The following HECW1 variants were observed in gnomAD, a reference collection of about 807,000 sequenced individuals.
HECW1 encodes HECT, C2 and WW domain containing E3 ubiquitin protein ligase 1.
In HECW1, 61 loss-of-function variants were observed where a neutral mutation model predicts 182.3. The ratio of observed to expected loss-of-function variants is 0.33; its 90% CI spans 0.27 to 0.41. The LOEUF (loss-of-function observed/expected upper bound fraction) is 0.41. HECW1 is among the 10% of genes least tolerant of loss of function. The probability of loss-of-function intolerance (pLI) is 1.00; values close to 1 mark genes in which losing one functional copy is unlikely to be tolerated. For missense variants in HECW1, 1,739 were observed against 2,108.9 expected (o/e 0.82, Z 3.44); for synonymous variants, 859 against 832.6 (o/e 1.03, Z -0.55).
At chr7:43,211,935 C>CATTTT (rs1796042310) in intron 2 of HECW1, among the ~76,000 whole-genome samples, 2 of 152,204 alleles carry the variant, frequency 1.3e-5, no homozygotes, top group South Asian at 4.1e-4. Context: ...TGACAAGTTT[C>CATTTT]ATTTTAATGA....
chr7:43,498,213 C>T (rs17802356), intron 19 of HECW1, among the ~76,000 whole-genome samples: 25,241 of 152,196 alleles, frequency 0.17, 2,424 homozygotes, highest in South Asian at 0.27. Context: ...TCGGGCTTAG[C>T]ATTCAGACAC....
intron 6 of HECW1, among the ~76,000 whole-genome samples, chr7:43,396,282 G>A (rs1213848521): frequency 2.6e-5 from 4 of 152,014 alleles, no homozygotes; most frequent in Non-Finnish European, 4.4e-5. Flanking sequence ...TGAAATTTCC[G>A]AGGAAGGCAA....
Position 43,509,135 on chromosome 7 carries a change from T to C in HECW1, c.4019+14T>C, listed in dbSNP as rs1211077898. On this transcript the variant is annotated intron_variant, in intron 24 of 29. Coordinates refer to ENST00000395891, the MANE Select transcript of HECW1 (RefSeq NM_015052.5). ...CCATCTTGAGTGGTAAGCTCTATAA[T>C]GTTCACTTTCTTGTATTTGAAAGTT... 1.2e-6 allele frequency: 2 copies of C among 1,606,468 alleles called. No individual in the cohort carries two copies. Among genetic ancestry groups the C allele is most frequent in the African/African-American group, 2.7e-5 (2 of 74,500 alleles).
intron 7 of HECW1, among the ~76,000 whole-genome samples, chr7:43,397,673 A>T (rs2075274493): frequency 6.6e-6 from 1 of 152,126 alleles, no homozygotes. Context: ...GGAGTATCAC[A>T]AAATACATTA....
At position 43,445,476 on chromosome 7, in the gene HECW1, G is replaced by T. The variant is rs780363076; in HGVS notation, c.2304G>T (p.Pro768=). 1 of 1,612,250 alleles carries T rather than the reference G, an allele frequency of 6.2e-7. No individual in the cohort carries two copies. Among genetic ancestry groups the T allele is most frequent in the East Asian group, 2.2e-5 (1 of 44,840 alleles). Residue 768 remains proline, a synonymous_variant, in exon 11 of 30, where the codon CCG becomes CCT. Coordinates refer to ENST00000395891, the MANE Select transcript of HECW1 (RefSeq NM_015052.5). The part of the protein sequence containing the change: ...LDPESTNGAG[P]WQDELAAPSG... ...CGGAGTCCACGAACGGCGCTGGGCC[G>T]TGGCAAGACGAGCTGGCCGCCCCTA...
rs1467865360 is a variant in HECW1, at chr7:43,541,234, G to A, written c.4091G>A (p.Arg1364Lys). 1.9e-6 allele frequency: 3 copies of A among 1,613,978 alleles called. No homozygotes were observed. In the African/African-American group the frequency reaches 4.0e-5, roughly 22 times the overall value. Residue 1364 changes from arginine (R) to lysine (K), a missense_variant, in exon 25 of 30, where the codon AGG (arginine) becomes AAG (lysine). Physicochemically the swap from Arg to Lys is conservative, Grantham distance 26. Around this residue, in one of 5 missense-constraint regions of HECW1, gnomAD observed 420 missense variants for 595.7 expected, o/e 0.71. Coordinates refer to ENST00000395891, the MANE Select transcript of HECW1 (RefSeq NM_015052.5). ...HQYLLDAFFT[R>K]PFYKALLRLP... is the part of the protein sequence containing the mutation. ...TACCTTCTTGACGCTTTCTTCACGA[G>A]GCCCTTCTACAAGGCACTCCTGAGA...
chr7:43,266,551 G>C (rs977969515), intron 3 of HECW1, among the ~76,000 whole-genome samples: 1 of 152,116 alleles, frequency 6.6e-6, no homozygotes, highest in Non-Finnish European at 1.5e-5. Context: ...GGCCAGGCTG[G>C]TCTTGAACTC....
At chr7:43,274,433 A>G in intron 3 of HECW1, 1 of 637,740 alleles carries the variant, frequency 1.6e-6, no homozygotes, top group South Asian at 1.6e-5. Context: ...TGCACCCACA[A>G]CACATACAGG....
chr7:43,398,126 G>A (rs572579032), intron 7 of HECW1, among the ~76,000 whole-genome samples: 7 of 152,082 alleles, frequency 4.6e-5, no homozygotes, highest in South Asian at 4.2e-4. Flanking sequence ...GCATGGTGGC[G>A]GGCTCCTGTA....
intron 2 of HECW1, among the ~76,000 whole-genome samples, chr7:43,153,719 G>T (rs778218605): frequency 6.6e-6 from 1 of 152,190 alleles, no homozygotes; most frequent in Admixed American, 6.5e-5. Context: ...AGGTCTGACC[G>T]AGGAAAATGG....
chr7:43,276,745 C>T (rs17172189), intron 3 of HECW1, among the ~76,000 whole-genome samples: 21,069 of 152,126 alleles, frequency 0.14, 3,078 homozygotes, highest in African/African-American at 0.37. Context: ...ATTTATAGTA[C>T]GTACAAAATT....
intron 13 of HECW1, among the ~76,000 whole-genome samples, chr7:43,459,201 T>G (rs141532901): frequency 6.6e-6 from 1 of 152,172 alleles, no homozygotes; most frequent in Non-Finnish European, 1.5e-5. Flanking sequence ...CCCTATAGCT[T>G]CTGGAATGTG....
Position 43,432,517 on chromosome 7 carries a change from C to G in HECW1, c.802-5486C>G, listed in dbSNP as rs1394222916. Among the ~76,000 whole-genome samples the G allele has an allele frequency of 6.6e-6, 1 of 152,180 alleles. No homozygotes were observed. The highest frequency in any genetic ancestry group is 1.5e-5 in the Non-Finnish European group (1 of 68,032). On this transcript the variant is annotated intron_variant, in intron 8 of 29. Coordinates refer to ENST00000395891, the MANE Select transcript of HECW1 (RefSeq NM_015052.5). This position sits in a 1 kb window ranked among gnomAD's most constrained non-coding sequence, Gnocchi z 4.1. Reference sequence around the variant, plus strand: ...TCTCTACCTGTCCATCAGGCTGAGCCTTTGGGAAGCCTTACTATAGCATCT... The same window carrying G: ...TCTCTACCTGTCCATCAGGCTGAGCGTTTGGGAAGCCTTACTATAGCATCT...
At position 43,445,653 on chromosome 7, in the gene HECW1, C is replaced by CG. The variant is rs2077032245; in HGVS notation, c.2398+88dup. The stretch of plus-strand genomic sequence containing the variant: ...ACCAACAGTTTAAAAACAAGAAGGG[C>CG]GGGGGATCGGTGTCAAACGGGGTTG... On this transcript the variant is annotated intron_variant, in intron 11 of 29. Transcript: ENST00000395891. 23 of 1,437,340 alleles carry CG rather than the reference C, an allele frequency of 1.6e-5. No individual in the cohort carries two copies. In the South Asian group the frequency reaches 2.3e-4, roughly 15 times the overall value. The allele number at this position is 1,437,340 out of a possible 1,614,324, so 89.0% of individuals were successfully genotyped here.
intron 4 of HECW1, among the ~76,000 whole-genome samples, chr7:43,319,373 G>A (rs1284409212): frequency 2.7e-5 from 3 of 110,330 alleles, no homozygotes; most frequent in South Asian, 3.7e-4. Context: ...CGGCCTGGGC[G>A]ACAGAGCGAG....
chr7:43,370,933 G>T (rs1320553756), intron 6 of HECW1, among the ~76,000 whole-genome samples: 2 of 151,140 alleles, frequency 1.3e-5, no homozygotes, highest in African/African-American at 4.9e-5. Flanking sequence ...TGTCACCCAG[G>T]CTGGAGTGCA....
At chr7:43,452,817 G>C (rs918024203) in intron 12 of HECW1, among the ~76,000 whole-genome samples, 5 of 152,220 alleles carry the variant, frequency 3.3e-5, no homozygotes, top group African/African-American at 1.2e-4. Flanking sequence ...TCATTGAGAA[G>C]ACAACACCTG....
intron 12 of HECW1, 62 bp from the exon 13 acceptor site, chr7:43,456,235 T>A: frequency 6.6e-7 from 1 of 1,512,424 alleles, no homozygotes; most frequent in Non-Finnish European, 9.0e-7. Flanking sequence ...AAGTTGTATG[T>A]GTTTCACGTG....
intron 2 of HECW1, among the ~76,000 whole-genome samples, chr7:43,213,481 T>C (rs1796174767): frequency 6.8e-6 from 1 of 147,272 alleles, no homozygotes; most frequent in Non-Finnish European, 1.5e-5. Context: ...AGTCTCGCTC[T>C]GTCGCCCAGG....
Sources: allele counts gnomAD v4.1 joint callset (sites outside exome capture counted in the v4.1 genomes callset), GRCh38; gene constraint gnomAD v4.1.1; regional missense constraint gnomAD v4.1.1; non-coding constraint Gnocchi (gnomAD v3.1); transcripts MANE v1.5; gene names NCBI Gene and HGNC (gene_info 2026-07-23, HGNC 2026-07-21).